SECISBP2: variants seen among roughly 807,000 people sequenced by gnomAD.
SECISBP2 encodes the protein SECIS binding protein 2, also known as selenocysteine insertion sequence-binding protein 2.
In SECISBP2, 96 loss-of-function variants were observed where a neutral mutation model predicts 98.2. That is an observed-to-expected ratio of 0.98 (90% CI 0.83 to 1.16). The LOEUF is 1.16. SECISBP2 is among the 50% of genes most tolerant of loss of function. SECISBP2 has a pLI of 0.00. For missense variants in SECISBP2, 1,046 were observed against 1,022.9 expected, an observed-to-expected ratio of 1.02 and a Z score of -0.31; for synonymous variants, 407 against 370.2, an observed-to-expected ratio of 1.10 and a Z score of -1.14.
At chr9:89,356,086 G>T in intron 14 of SECISBP2, among the ~76,000 whole-genome samples, 1 of 152,230 alleles carries the variant, frequency 6.6e-6, no homozygotes. Flanking sequence ...ATTATCTGGG[G>T]CCTGTTAGGA....
Position 89,348,165 on chromosome 9 carries a change from T to A in SECISBP2, c.1689T>A (p.Asp563Glu). The stretch of plus-strand genomic sequence containing the variant: ...CTTTTACCAGTGATGACACACAAGA[T>A]GGAGAGAGTGGTGGTGATGACCAGT... ...SPAFTSDDTQ[D>E]GESGGDDQFP... Residue 563 changes from aspartate (D) to glutamate (E), a missense_variant, in exon 12 of 17, where the codon GAT (aspartate) becomes GAA (glutamate). By Grantham distance (45) the Asp-to-Glu change is conservative. Coordinates refer to ENST00000375807, the MANE Select transcript of SECISBP2 (RefSeq NM_024077.5). 6.2e-7 allele frequency: 1 copy of A among 1,614,188 alleles called. No homozygotes were observed. Among genetic ancestry groups the A allele is most frequent in the South Asian group, 1.1e-5 (1 of 91,078 alleles).
chr9:89,355,161 A>G, intron 14 of SECISBP2: 1 of 985,462 alleles, frequency 1.0e-6, no homozygotes, highest in Non-Finnish European at 1.2e-6. Flanking sequence ...CGTGCATTGG[A>G]GAAGTTCTTC....
intron 7 of SECISBP2, among the ~76,000 whole-genome samples, chr9:89,336,283 G>T (rs752387375): frequency 6.6e-6 from 1 of 150,868 alleles, no homozygotes; most frequent in African/African-American, 2.4e-5. Context: ...CAGTCCTCCT[G>T]CCTCAGCCTC....
downstream of SECISBP2, chr9:89,363,376 G>GGGGCC: frequency 1.9e-6 from 3 of 1,598,852 alleles, no homozygotes; most frequent in Admixed American, 1.7e-5. Flanking sequence ...GATGTGGCAG[G>GGGGCC]TGCCCTGCCC....
intron 16 of SECISBP2, 30 bp downstream of exon 16, chr9:89,358,221 T>C (rs762585613): frequency 3.8e-6 from 6 of 1,592,424 alleles, no homozygotes; most frequent in South Asian, 1.1e-5. Flanking sequence ...TTGTGTCAGG[T>C]CGAGTGTCCT....
chr9:89,343,462 G>T (rs895149875), intron 10 of SECISBP2, among the ~76,000 whole-genome samples: 29 of 152,046 alleles, frequency 1.9e-4, no homozygotes, highest in African/African-American at 6.8e-4. Context: ...TACTAAGCCT[G>T]GTAACCAATA....
At chr9:89,338,680 G>A in intron 8 of SECISBP2, 100 bp downstream of exon 8, 1 of 1,258,014 alleles carries the variant, frequency 7.9e-7, no homozygotes, top group African/African-American at 1.5e-5. Flanking sequence ...AAATCTCCAG[G>A]GCTTTTTAAT....
intron 3 of SECISBP2, 80 bp downstream of exon 3, chr9:89,325,756 C>T: frequency 6.3e-7 from 1 of 1,596,210 alleles, no homozygotes. Flanking sequence ...TAAATTTGTA[C>T]ATCATATTTA....
In SECISBP2 at chr9:89,358,162, C is replaced by T. The variant is rs1832389078; in HGVS notation, c.2432C>T (p.Ala811Val). The T allele has an allele frequency of 2.5e-6, 4 of 1,613,274 alleles. No homozygotes were observed. The highest frequency in any genetic ancestry group is 3.4e-6 in the Non-Finnish European group (4 of 1,179,740). The change falls in exon 16 of 17, where the codon GCC becomes GTC. Residue 811 changes from alanine (A) to valine (V), a missense_variant. Coordinates refer to ENST00000375807, the MANE Select transcript of SECISBP2 (RefSeq NM_024077.5). ...PSCPAEDGPP[A>V]LKEKEEPHYI... ...TGCCCTGCAGAAGATGGCCCCCCAG[C>T]CCTGAAAGAAAAAGAAGAGCCACAC...
chr9:89,329,914 C>T (rs1316600984), intron 5 of SECISBP2: 2 of 152,170 alleles, frequency 1.3e-5, no homozygotes, highest in Admixed American at 1.3e-4. Context: ...AAAAAAAAGA[C>T]TTTTATAAAA....
intron 14 of SECISBP2, 128 bp from the exon 15 acceptor site, chr9:89,357,283 A>T: frequency 1.0e-6 from 1 of 987,888 alleles, no homozygotes; most frequent in Non-Finnish European, 1.6e-6. Flanking sequence ...TTGTATTTTC[A>T]GGGGCGTCTG....
chr9:89,322,438 G>C (rs1564312853), intron 2 of SECISBP2: 2 of 152,192 alleles, frequency 1.3e-5, no homozygotes, highest in African/African-American at 4.8e-5. Flanking sequence ...TTCTTTCATA[G>C]TTACTACAAT....
At chr9:89,364,421 G>C (rs919653567), downstream of SECISBP2, 9 of 238,660 alleles carry the variant, frequency 3.8e-5, no homozygotes, top group Admixed American at 2.5e-4. Flanking sequence ...GGCTGGGCCA[G>C]AGTGGGGACC....
intron 4 of SECISBP2, among the ~76,000 whole-genome samples, chr9:89,326,477 C>T (rs1269683854): frequency 6.6e-6 from 1 of 152,194 alleles, no homozygotes; most frequent in Non-Finnish European, 1.5e-5. Context: ...ACCTGCTTCC[C>T]TCTAGTTTAT....
At chr9:89,346,507 G>T (rs1228217343) in intron 10 of SECISBP2, among the ~76,000 whole-genome samples, 1 of 152,160 alleles carries the variant, frequency 6.6e-6, no homozygotes, top group Non-Finnish European at 1.5e-5. Flanking sequence ...AGAGGGACGT[G>T]TTCACAGTAG....
chr9:89,327,818 T>G (rs192500130), intron 4 of SECISBP2, among the ~76,000 whole-genome samples: 2 of 151,576 alleles, frequency 1.3e-5, no homozygotes, highest in African/African-American at 4.8e-5. Context: ...TTGTGTTTTT[T>G]TTTTTTTTTT....
Position 89,358,977 on chromosome 9 carries a change from G to A in SECISBP2, c.*153G>A, listed in dbSNP as rs1832530158. The A allele has an allele frequency of 1.5e-6, 1 of 668,878 alleles. No individual in the cohort carries two copies. The highest frequency in any genetic ancestry group is 2.7e-6 in the Non-Finnish European group (1 of 370,922). 41.4% of individuals were successfully genotyped at this position (668,878 alleles called of 1,614,324 possible). A position where few individuals can be genotyped will look rare whatever the true frequency, so the allele number is the denominator to read the frequency against. On this transcript the variant is annotated 3_prime_UTR_variant, in exon 17 of 17. Transcript: ENST00000375807. ...TTAAAGGGCACATGAAGCAGTGTCT[G>A]CAGGCGTTCAGTGCTGCGGAGCCTG... is the stretch of plus-strand genomic sequence containing the variant.
At chr9:89,323,641 C>G (rs1467384952) in intron 2 of SECISBP2, 1 of 152,236 alleles carries the variant, frequency 6.6e-6, no homozygotes, top group East Asian at 1.9e-4. Flanking sequence ...GATGGGGTAG[C>G]TTAGGACAGT....
intron 2 of SECISBP2, chr9:89,323,503 C>T (rs1292717687): frequency 6.6e-6 from 1 of 152,458 alleles, no homozygotes; most frequent in Non-Finnish European, 1.5e-5. Flanking sequence ...CAACGGGTGC[C>T]TGGAGGGAGA....
Sources: allele counts gnomAD v4.1 joint callset (sites outside exome capture counted in the v4.1 genomes callset), GRCh38; gene constraint gnomAD v4.1.1; transcripts MANE v1.5; gene names NCBI Gene and HGNC (gene_info 2026-07-23, HGNC 2026-07-21).